The following LURAP1 variants were observed in gnomAD, a reference collection of about 807,000 sequenced individuals.
LURAP1 encodes leucine rich adaptor protein 1.
LURAP1 carries 14 observed loss-of-function variants against 19.0 expected under a neutral mutation model. The ratio of observed to expected loss-of-function variants is 0.74; its 90% CI spans 0.49 to 1.15. The LOEUF (loss-of-function observed/expected upper bound fraction) is 1.15. Among genes scored for constraint, LURAP1 ranks in the 50% most tolerant of loss-of-function variants. The probability of loss-of-function intolerance (pLI) is 0.00; values close to 1 mark genes in which losing one functional copy is unlikely to be tolerated. For synonymous variants in LURAP1, 129 were observed against 131.8 expected (o/e 0.98, Z 0.14); for missense variants, 273 against 309.1 (o/e 0.88, Z 0.87).
rs547052614 is a variant in LURAP1 at position 46,213,584 on chromosome 1, C to T, written c.199-6115C>T. On this transcript the variant is annotated intron_variant, in intron 1 of 1. Transcript: ENST00000371980. ...TAAAAATACACTAAATACGGCCAGG[C>T]ACAATGGCTTACGCCTGTAATCACA... Among the ~76,000 whole-genome samples the T allele has an allele frequency of 2.1e-3, 314 of 152,082 alleles. 3 individuals carry two copies. Among genetic ancestry groups the T allele is most frequent in the African/African-American group, 7.3e-3 (302 of 41,520 alleles).
chr1:46,208,090 C>A (rs1296925576), intron 1 of LURAP1, among the ~76,000 whole-genome samples: 1 of 150,978 alleles, frequency 6.6e-6, no homozygotes, highest in African/African-American at 2.4e-5. Flanking sequence ...GAACTCCTGG[C>A]CTCAAGTGAT....
chr1:46,205,180 C>T (rs754405931), intron 1 of LURAP1, among the ~76,000 whole-genome samples: 1 of 152,032 alleles, frequency 6.6e-6, no homozygotes, highest in Non-Finnish European at 1.5e-5. Flanking sequence ...ATCACTTGAG[C>T]CCAGGAAGAG....
At chr1:46,211,439 G>GCA (rs57919535) in intron 1 of LURAP1, among the ~76,000 whole-genome samples, 1,124 of 79,010 alleles carry the variant, frequency 0.014, 21 homozygotes, top group Middle Eastern at 0.08. Flanking sequence ...ATGAAAACCT[G>GCA]CACACACACA....
intron 1 of LURAP1, among the ~76,000 whole-genome samples, chr1:46,208,747 A>G (rs1463792660): frequency 6.6e-6 from 1 of 152,144 alleles, no homozygotes. Flanking sequence ...AAGCTGAGGC[A>G]GGAAAATCGC....
intron 1 of LURAP1, among the ~76,000 whole-genome samples, chr1:46,214,694 C>T (rs536969458): frequency 2.0e-5 from 3 of 151,080 alleles, no homozygotes; most frequent in Non-Finnish European, 3.0e-5. Flanking sequence ...GGTGAAACCC[C>T]ATCTCTACTA....
At chr1:46,216,850 C>A (rs771049620) in intron 1 of LURAP1, among the ~76,000 whole-genome samples, 9 of 152,186 alleles carry the variant, frequency 5.9e-5, no homozygotes, top group Non-Finnish European at 1.0e-4. Context: ...TGTTCATATA[C>A]CCAATGTTTA....
chr1:46,212,964 C>T (rs1410364508), intron 1 of LURAP1, among the ~76,000 whole-genome samples: 2 of 151,878 alleles, frequency 1.3e-5, no homozygotes, highest in Middle Eastern at 3.2e-3. Context: ...CGGGGTTTCA[C>T]CGTGTTAGCC....
chr1:46,219,071 C>T (rs1659150521), intron 1 of LURAP1, among the ~76,000 whole-genome samples: 1 of 151,980 alleles, frequency 6.6e-6, no homozygotes, highest in African/African-American at 2.4e-5. Flanking sequence ...CTGAGGTGGG[C>T]GGATCACCTA....
Position 46,220,217 on chromosome 1 carries a change from G to A in LURAP1, c.717G>A (p.Leu239=). Reference sequence around the variant, plus strand: ...AGTGCCAGGATGATGTGACCTTCTTGTAACAACTATTCCACCCTTTTGTAA... The same window carrying A: ...AGTGCCAGGATGATGTGACCTTCTTATAACAACTATTCCACCCTTTTGTAA... ...WEQCQDDVTF[L] The change falls in exon 2 of 2, where the codon TTG becomes TTA. Residue 239 remains leucine, a synonymous_variant. Transcript: ENST00000371980. 6.2e-7 allele frequency: 1 copy of A among 1,603,738 alleles called. No individual in the cohort carries two copies. Among genetic ancestry groups the A allele is most frequent in the Non-Finnish European group, 8.5e-7 (1 of 1,174,152 alleles).
chr1:46,203,654 C>T, intron 1 of LURAP1, 30 bp downstream of exon 1: 1 of 1,588,698 alleles, frequency 6.3e-7, no homozygotes, highest in Non-Finnish European at 8.5e-7. Flanking sequence ...GCCAAGGGGA[C>T]GAGTCCCTAG....
intron 1 of LURAP1, among the ~76,000 whole-genome samples, chr1:46,210,853 C>A (rs1257179189): frequency 2.6e-5 from 4 of 152,058 alleles, no homozygotes; most frequent in African/African-American, 9.7e-5. Context: ...CAGCTCACTG[C>A]AGCCTGTACT....
intron 1 of LURAP1, among the ~76,000 whole-genome samples, chr1:46,212,825 T>C (rs184031760): frequency 6.6e-6 from 1 of 152,192 alleles, no homozygotes; most frequent in Non-Finnish European, 1.5e-5. Flanking sequence ...AGTGGCATGA[T>C]CCCAGCTCAC....
intron 1 of LURAP1, among the ~76,000 whole-genome samples, chr1:46,206,595 A>T (rs886783318): frequency 1.3e-5 from 2 of 152,152 alleles, no homozygotes; most frequent in Non-Finnish European, 2.9e-5. Flanking sequence ...GTGTGAAAAG[A>T]GTGTTTCTTT....
At chr1:46,216,115 C>T (rs1328195244) in intron 1 of LURAP1, among the ~76,000 whole-genome samples, 3 of 125,166 alleles carry the variant, frequency 2.4e-5, no homozygotes, top group Non-Finnish European at 4.7e-5. Context: ...GGCGCGATCT[C>T]GGCTCACTGC....
At chr1:46,213,956 C>T (rs934549340) in intron 1 of LURAP1, among the ~76,000 whole-genome samples, 4 of 151,972 alleles carry the variant, frequency 2.6e-5, no homozygotes, top group Admixed American at 2.0e-4. Flanking sequence ...CATACATACA[C>T]GGTTTCTAGT....
rs777772232 is a variant in LURAP1, at chr1:46,220,033, G to A, written c.533G>A (p.Gly178Glu). 2 of 1,614,248 alleles carry A rather than the reference G, an allele frequency of 1.2e-6. No homozygotes were observed. Among genetic ancestry groups the A allele is most frequent in the South Asian group, 1.1e-5 (1 of 91,086 alleles). ...GACTGGGCAAAAGTTATAGCTGGTG[G>A]AGAGAGGGCCAGGACTGAGGTGGAT... ...EMDWAKVIAGGERARTEVDVA... is the reference protein window; with the variant it reads ...EMDWAKVIAGEERARTEVDVA... Residue 178 changes from glycine to glutamate, a missense_variant, in exon 2 of 2, where the codon GGA becomes GAA. Coordinates refer to ENST00000371980, the MANE Select transcript of LURAP1 (RefSeq NM_001013615.3).
chr1:46,212,524 G>T (rs924783632), intron 1 of LURAP1, among the ~76,000 whole-genome samples: 17 of 150,976 alleles, frequency 1.1e-4, no homozygotes, highest in Admixed American at 7.9e-4. Context: ...CTCGTGATCC[G>T]CCCGCCTTGG....
chr1:46,204,233 C>T (rs1228849437), intron 1 of LURAP1, among the ~76,000 whole-genome samples: 1 of 152,174 alleles, frequency 6.6e-6, no homozygotes, highest in Non-Finnish European at 1.5e-5. Flanking sequence ...CTGATTCCCT[C>T]GCCTCAGACT....
intron 1 of LURAP1, among the ~76,000 whole-genome samples, chr1:46,209,270 C>A (rs1045391941): frequency 1.3e-5 from 2 of 151,972 alleles, no homozygotes; most frequent in African/African-American, 4.8e-5. Context: ...GTGATCCATC[C>A]GCCTTGGCCT....
Sources: gnomAD v4.1 joint callset for allele counts (sites outside exome capture counted in the v4.1 genomes callset) on GRCh38, gnomAD v4.1.1 for gene constraint, MANE v1.5 for transcripts, NCBI Gene and HGNC (gene_info 2026-07-23, HGNC 2026-07-21) for gene names.